The following PTCH1 variants were observed in gnomAD, a reference collection of about 807,000 sequenced individuals.
The protein encoded by PTCH1 is patched 1.
PTCH1 carries 14 observed loss-of-function variants against 144.6 expected under a neutral mutation model. The ratio of observed to expected loss-of-function variants is 0.10; its 90% CI spans 0.06 to 0.15. The LOEUF (loss-of-function observed/expected upper bound fraction) is 0.15. Ranked by LOEUF, PTCH1 falls within the 10% of genes least tolerant of loss-of-function variation. The probability of loss-of-function intolerance (pLI) is 1.00; values close to 1 mark genes in which losing one functional copy is unlikely to be tolerated. For missense variants in PTCH1, 1,623 were observed against 1,948.3 expected (o/e 0.83, Z 3.14); for synonymous variants, 833 against 793.6 (o/e 1.05, Z -0.83).
At chr9:95,507,271 CCCT>C in intron 1 of PTCH1, 1 of 985,488 alleles carries the variant, frequency 1.0e-6, no homozygotes, top group Non-Finnish European at 1.2e-6. Context: ...ATGGATCTTT[CCCT>C]CCTCTCCCTT....
At chr9:95,516,554 T>C (rs569435135) in exon 1 of PTCH1, 75 of 1,546,192 alleles carry the variant, frequency 4.9e-5, no homozygotes, top group Non-Finnish European at 5.7e-5. Flanking sequence ...TCCTTTTTTT[T>C]CCCTGGCCCC....
rs1839503471 is a variant in PTCH1 at position 95,461,872 on chromosome 9, G to A, written c.2687C>T (p.Pro896Leu). Residue 896 changes from proline to leucine, a missense_variant, in exon 16 of 24, where the codon CCC becomes CTC. Pro to Leu is a moderately conservative substitution (Grantham distance 98). This residue lies in a region of PTCH1 where 504 missense variants were observed against 679.3 expected (regional missense o/e 0.74). Transcript: ENST00000331920. ...LLVQTGSRDK[P>L]IDISQLTKQR... is the part of the protein sequence containing the mutation. ...CTGGAGTACCTGGCTGATGTCGATG[G>A]GCTTATCGCGGCTGCCGGTTTGCAC... is the stretch of plus-strand genomic sequence containing the variant. 6.2e-7 allele frequency: 1 copy of A among 1,614,188 alleles called. No homozygotes were observed. Among genetic ancestry groups the A allele is most frequent in the Non-Finnish European group, 8.5e-7 (1 of 1,180,032 alleles).
chr9:95,477,937 T>C, intron 9 of PTCH1, 118 bp downstream of exon 9: 1 of 1,560,540 alleles, frequency 6.4e-7, no homozygotes, highest in Non-Finnish European at 8.8e-7. Flanking sequence ...ACGCTCTCTC[T>C]GTCCTGGATG....
chr9:95,454,490 T>C (rs1024938438), intron 19 of PTCH1, among the ~76,000 whole-genome samples: 3 of 152,236 alleles, frequency 2.0e-5, no homozygotes, highest in Admixed American at 1.3e-4. Flanking sequence ...AAAGGTGTGC[T>C]AAGAGTTTTC....
Position 95,449,027 on chromosome 9 carries a change from C to A in PTCH1, c.3804+42G>T. 1 of 1,611,822 alleles carries A rather than the reference C, an allele frequency of 6.2e-7. No homozygotes were observed. The highest frequency in any genetic ancestry group is 8.5e-7 in the Non-Finnish European group (1 of 1,178,242). ...CGCTGGACCTCCAGGCCCACTACCA[C>A]GGTGGGAAGACCCCTCCCCCTGGTT... is the stretch of plus-strand genomic sequence containing the variant. On this transcript the variant is annotated intron_variant, in intron 22 of 23. Transcript: ENST00000331920. This position sits in a 1 kb window ranked among gnomAD's most constrained non-coding sequence, Gnocchi z 5.3.
chr9:95,507,612 G>A (rs1205496625), intron 1 of PTCH1: 3 of 314,382 alleles, frequency 9.5e-6, no homozygotes, highest in African/African-American at 2.3e-5. Flanking sequence ...AGGGAGCAGA[G>A]ATTTCATGCT....
At chr9:95,464,435 G>A (rs557227175) in intron 15 of PTCH1, among the ~76,000 whole-genome samples, 10 of 152,196 alleles carry the variant, frequency 6.6e-5, no homozygotes, top group African/African-American at 2.4e-4. Context: ...TGAATATTTT[G>A]TGTCAATAAT....
At chr9:95,470,008 C>A (rs144935100) in intron 12 of PTCH1, 77 bp from the exon 13 acceptor site, 3 of 1,060,868 alleles carry the variant, frequency 2.8e-6, no homozygotes, top group Admixed American at 1.7e-5. Flanking sequence ...AATAAAGATG[C>A]TTTTAAACAA....
At chr9:95,497,576 G>A (rs574276634) in intron 2 of PTCH1, among the ~76,000 whole-genome samples, 25 of 152,186 alleles carry the variant, frequency 1.6e-4, no homozygotes, top group Admixed American at 1.3e-3. Context: ...TCTCCGCCTC[G>A]CTTCCACTCA....
chr9:95,474,304 A>G (rs1395411629), intron 12 of PTCH1, among the ~76,000 whole-genome samples: 1 of 152,074 alleles, frequency 6.6e-6, no homozygotes, highest in Non-Finnish European at 1.5e-5. Flanking sequence ...ACAGTTTCTC[A>G]ATACCAGCAC....
At chr9:95,478,856 A>G (rs1841302784) in intron 8 of PTCH1, 144 bp downstream of exon 8, 3 of 1,275,502 alleles carry the variant, frequency 2.4e-6, no homozygotes, top group East Asian at 2.5e-5. Flanking sequence ...ATCAAAGAAG[A>G]GGAAAAAAGT....
At position 95,446,792 on chromosome 9, in the gene PTCH1, C is replaced by T. The variant is rs1837934601; in HGVS notation, c.*1+119G>A. 19 of 1,331,648 alleles carry T rather than the reference C, an allele frequency of 1.4e-5. No homozygotes were observed. In the East Asian group the frequency reaches 1.8e-4, roughly 13 times the overall value. 82.5% of individuals were successfully genotyped at this position (1,331,648 alleles called of 1,614,324 possible). On this transcript the variant is annotated intron_variant, in intron 23 of 23. Coordinates refer to ENST00000331920, the MANE Select transcript of PTCH1 (RefSeq NM_000264.5). ...CTGGGGATAAAAGGTCACTGGGGTC[C>T]AGCGTGGGATGTGCCCGAGCGCCAC...
At chr9:95,488,016 T>G (rs905584427) in intron 2 of PTCH1, among the ~76,000 whole-genome samples, 1 of 152,314 alleles carries the variant, frequency 6.6e-6, no homozygotes, top group Admixed American at 6.5e-5. Flanking sequence ...CGAAGTGACC[T>G]GAGAGTGCAG....
chr9:95,449,410 G>C lies in PTCH1; in HGVS notation c.3550-87C>G. 1 of 1,521,960 alleles carries C rather than the reference G, an allele frequency of 6.6e-7. No individual in the cohort carries two copies. The highest frequency in any genetic ancestry group is 8.8e-7 in the Non-Finnish European group (1 of 1,133,606). The allele number at this position is 1,521,960 out of a possible 1,614,324, so 94.3% of individuals were successfully genotyped here. ...AGCTCAAAGCACGGTATTTTTCAGG[G>C]GCCTCTGTTCCCTGCCCTGGGGCCC... On this transcript the variant is annotated intron_variant, in intron 21 of 23. Coordinates refer to ENST00000331920, the MANE Select transcript of PTCH1 (RefSeq NM_000264.5). This position sits in a 1 kb window ranked among gnomAD's most constrained non-coding sequence, Gnocchi z 5.3.
At chr9:95,504,514 A>G (rs1843402517) in intron 2 of PTCH1, among the ~76,000 whole-genome samples, 1 of 152,238 alleles carries the variant, frequency 6.6e-6, no homozygotes, top group African/African-American at 2.4e-5. Flanking sequence ...ATGGCAACAA[A>G]TACAGGTTGG....
Position 95,508,273 on chromosome 9 carries a change from C to A in PTCH1, c.89G>T (p.Gly30Val). ...CCCCCCCGTCCGTCTGCGCCTCCCG[C>A]CTCCAGCCGGCCGTCCCGGGGCACC... is the stretch of plus-strand genomic sequence containing the variant. ...CIGAPGRPAG[G>V]GRRRRTGGLR... Residue 30 changes from glycine to valine, a missense_variant, in exon 1 of 24, where the codon GGC becomes GTC. By Grantham distance (109) the Gly-to-Val change is moderately radical. Transcript: ENST00000331920. 6.4e-7 allele frequency: 1 copy of A among 1,570,624 alleles called. No homozygotes were observed. The highest frequency in any genetic ancestry group is 8.6e-7 in the Non-Finnish European group (1 of 1,161,612).
rs765348942 is a variant in PTCH1, at chr9:95,447,141, G to A, written c.4115C>T (p.Thr1372Met). Reference sequence around the variant, plus strand: ...GGCGACAGTCACGGAGGCAGAAGCCGTCACAGTGGTGATGGGCTGGCAGTA... The same window carrying A: ...GGCGACAGTCACGGAGGCAGAAGCCATCACAGTGGTGATGGGCTGGCAGTA... ...PGYCQPITTVTASASVTVAVH... is the reference protein window; with the variant it reads ...PGYCQPITTVMASASVTVAVH... Residue 1372 changes from threonine to methionine, a missense_variant, in exon 23 of 24, where the codon ACG (threonine) becomes ATG (methionine). By Grantham distance (81) the Thr-to-Met change is moderately conservative. Around this residue, in one of 7 missense-constraint regions of PTCH1, gnomAD observed 291 missense variants for 287.4 expected, o/e 1.01. Transcript: ENST00000331920. 2.4e-5 allele frequency: 38 copies of A among 1,613,218 alleles called. No homozygotes were observed. The highest frequency in any genetic ancestry group is 6.6e-5 in the South Asian group (6 of 91,076).
chr9:95,485,608 T>C, intron 3 of PTCH1, 77 bp downstream of exon 3: 3 of 1,560,648 alleles, frequency 1.9e-6, no homozygotes, highest in Non-Finnish European at 2.6e-6. Flanking sequence ...TTTACTAAAA[T>C]AACGGGGCCT....
intron 1 of PTCH1, chr9:95,507,736 T>G: frequency 5.2e-6 from 1 of 192,928 alleles, no homozygotes; most frequent in Non-Finnish European, 9.7e-6. Flanking sequence ...TGTTAAGAAA[T>G]GTGGCAGCCG....
Sources: allele counts gnomAD v4.1 joint callset (sites outside exome capture counted in the v4.1 genomes callset), GRCh38; gene constraint gnomAD v4.1.1; regional missense constraint gnomAD v4.1.1; non-coding constraint Gnocchi (gnomAD v3.1); transcripts MANE v1.5; gene names NCBI Gene and HGNC (gene_info 2026-07-23, HGNC 2026-07-21).